ADCY8: variants seen among roughly 807,000 people sequenced by gnomAD.
ADCY8 encodes the protein adenylate cyclase 8, also known as adenylate cyclase type 8.
A neutral mutation model predicts 119.7 loss-of-function variants in ADCY8; 51 were observed. The observed-to-expected ratio is 0.43, with a 90% CI of 0.34 to 0.54. The LOEUF is 0.54. Among genes scored for constraint, ADCY8 ranks in the 20% least tolerant of loss-of-function variants. The pLI is 0.03. For missense variants in ADCY8, 1,383 were observed against 1,598.8 expected (o/e 0.87, Z 2.30); for synonymous variants, 665 against 651.0 (o/e 1.02, Z -0.33).
At chr8:130,835,261 G>A (rs569863902) in intron 12 of ADCY8, among the ~76,000 whole-genome samples, 73 of 152,292 alleles carry the variant, frequency 4.8e-4, no homozygotes, top group Non-Finnish European at 9.4e-4. Flanking sequence ...GATGTCATCA[G>A]AAAGTGCATG....
intron 1 of ADCY8, among the ~76,000 whole-genome samples, chr8:131,025,650 A>T (rs1823800402): frequency 6.6e-6 from 1 of 152,252 alleles, no homozygotes; most frequent in Non-Finnish European, 1.5e-5. Context: ...TCCTGTAGAT[A>T]TTAAGAATAA....
intron 14 of ADCY8, among the ~76,000 whole-genome samples, chr8:130,811,758 C>G (rs975780804): frequency 6.6e-6 from 1 of 152,164 alleles, no homozygotes; most frequent in African/African-American, 2.4e-5. Context: ...GTGGATCTAA[C>G]TGTGTTAGGA....
At chr8:130,827,695 C>A (rs1816709684) in intron 12 of ADCY8, among the ~76,000 whole-genome samples, 1 of 152,096 alleles carries the variant, frequency 6.6e-6, no homozygotes, top group Non-Finnish European at 1.5e-5. Flanking sequence ...GATGACAAGC[C>A]CAGGTGTCTA....
chr8:130,978,891 T>C (rs1489462146), intron 2 of ADCY8, among the ~76,000 whole-genome samples: 1 of 152,114 alleles, frequency 6.6e-6, no homozygotes, highest in African/African-American at 2.4e-5. Context: ...TCAATTAGTA[T>C]AGAATTTTGA....
At chr8:130,925,295 A>G (rs953497578) in intron 5 of ADCY8, among the ~76,000 whole-genome samples, 1 of 152,202 alleles carries the variant, frequency 6.6e-6, no homozygotes, top group Non-Finnish European at 1.5e-5. Flanking sequence ...AGCCATGGTA[A>G]AACAATAGGT....
chr8:130,999,160 C>T (rs973258898), intron 1 of ADCY8, among the ~76,000 whole-genome samples: 2 of 152,180 alleles, frequency 1.3e-5, no homozygotes, highest in East Asian at 1.9e-4. Flanking sequence ...CCCAGTGCTT[C>T]ATACACTTGG....
At chr8:130,905,790 G>T (rs1338591761) in intron 6 of ADCY8, among the ~76,000 whole-genome samples, 2 of 152,120 alleles carry the variant, frequency 1.3e-5, no homozygotes, top group African/African-American at 4.8e-5. Context: ...AGCCCAGACA[G>T]TTGAAGCTAT....
intron 1 of ADCY8, among the ~76,000 whole-genome samples, chr8:131,003,295 G>GA (rs928044823): frequency 6.6e-6 from 1 of 151,106 alleles, no homozygotes; most frequent in Non-Finnish European, 1.5e-5. Context: ...CCATAATTGA[G>GA]AAAAAATAAA....
At chr8:130,873,366 TG>T (rs1466136301) in intron 8 of ADCY8, among the ~76,000 whole-genome samples, 17 of 152,296 alleles carry the variant, frequency 1.1e-4, no homozygotes, top group Middle Eastern at 3.4e-3. Flanking sequence ...TTGCCCAGGC[TG>T]CAATGCAATG....
intron 14 of ADCY8, among the ~76,000 whole-genome samples, chr8:130,808,390 C>T (rs1816046679): frequency 6.6e-6 from 1 of 152,122 alleles, no homozygotes; most frequent in South Asian, 2.1e-4. Context: ...ATATAAAAAA[C>T]AATAGCCAAC....
At chr8:130,866,104 A>G (rs1818111522) in intron 9 of ADCY8, among the ~76,000 whole-genome samples, 1 of 151,996 alleles carries the variant, frequency 6.6e-6, no homozygotes, top group Non-Finnish European at 1.5e-5. Context: ...GTTGCTACCC[A>G]CTTCTATATT....
chr8:130,975,073 AT>A (rs1178248907), intron 2 of ADCY8, among the ~76,000 whole-genome samples: 3 of 152,120 alleles, frequency 2.0e-5, no homozygotes, highest in Non-Finnish European at 4.4e-5. Context: ...TCAAGAGAGA[AT>A]TTCACCCACC....
chr8:131,040,055 C>T lies in ADCY8; in HGVS notation c.279G>A (p.Ser93=). Residue 93 remains serine (S), a synonymous_variant, in exon 1 of 18, where the codon TCG becomes TCA. Coordinates refer to ENST00000286355, the MANE Select transcript of ADCY8 (RefSeq NM_001115.3). ...TGTGCGCTCGCTCTCCCGGGCCCAG[C>T]GAGTAGAGGGGCAGCGCCGAGTCGC... ...LSGDSALPLY[S]LGPGERAHST... is the part of the protein sequence containing the mutation. The T allele has an allele frequency of 1.3e-6, 2 of 1,545,660 alleles. No homozygotes were observed. Among genetic ancestry groups the T allele is most frequent in the Non-Finnish European group, 1.7e-6 (2 of 1,150,632 alleles).
At chr8:130,799,919 T>G (rs767473582) in intron 15 of ADCY8, among the ~76,000 whole-genome samples, 1 of 131,554 alleles carries the variant, frequency 7.6e-6, no homozygotes. Context: ...GGAACTGAAG[T>G]GCAGCGTGAG....
chr8:130,954,395 G>T (rs1482641508), intron 2 of ADCY8, among the ~76,000 whole-genome samples: 3 of 152,172 alleles, frequency 2.0e-5, no homozygotes, highest in African/African-American at 7.2e-5. Flanking sequence ...CAAGTCCATG[G>T]ACATATTTAT....
chr8:130,963,328 T>C (rs1360153929), intron 2 of ADCY8, among the ~76,000 whole-genome samples: 2 of 152,070 alleles, frequency 1.3e-5, no homozygotes, highest in African/African-American at 4.8e-5. Context: ...TTTAGCAAAA[T>C]GGTCAATGAA....
Position 130,780,371 on chromosome 8 carries a change from A to AC in ADCY8, c.*18_*19insG. ...TATATAAAAGAAATACAAAAAAAAAAAACAGAAAGAAAATGCTTTTATGGC... is the reference window on the plus strand; with the variant it reads ...TATATAAAAGAAATACAAAAAAAAAACAACAGAAAGAAAATGCTTTTATGGC... On this transcript the variant is annotated 3_prime_UTR_variant, in exon 18 of 18. Coordinates refer to ENST00000286355, the MANE Select transcript of ADCY8 (RefSeq NM_001115.3). The AC allele has an allele frequency of 2.8e-6, 4 of 1,404,842 alleles. No individual in the cohort carries two copies. Among genetic ancestry groups the AC allele is most frequent in the East Asian group, 2.5e-5 (1 of 40,280 alleles). The allele number at this position is 1,404,842 out of a possible 1,614,324, so 87.0% of individuals were successfully genotyped here. A position where few individuals can be genotyped will look rare whatever the true frequency, so the allele number is the denominator to read the frequency against.
chr8:130,948,067 A>G (rs968604195), intron 3 of ADCY8, among the ~76,000 whole-genome samples: 1 of 152,132 alleles, frequency 6.6e-6, no homozygotes, highest in African/African-American at 2.4e-5. Context: ...CCTTCCAATA[A>G]CCAAATGCTG....
chr8:130,851,571 G>C (rs1297204963), intron 9 of ADCY8, among the ~76,000 whole-genome samples: 1 of 152,130 alleles, frequency 6.6e-6, no homozygotes, highest in East Asian at 1.9e-4. Context: ...AGACAACTGT[G>C]GTGGGAGGTG....
Sources: allele counts gnomAD v4.1 joint callset (sites outside exome capture counted in the v4.1 genomes callset), GRCh38; gene constraint gnomAD v4.1.1; transcripts MANE v1.5; gene names NCBI Gene and HGNC (gene_info 2026-07-23, HGNC 2026-07-21).